The following ATXN10 variants were observed in gnomAD, a reference collection of about 807,000 sequenced individuals.
ATXN10 encodes ataxin-10.
Under a neutral mutation model 52.9 loss-of-function variants are expected in ATXN10, and 28 were observed. The observed-to-expected ratio is 0.53, with a 90% CI of 0.39 to 0.73. The LOEUF (loss-of-function observed/expected upper bound fraction) is 0.73, where lower values mean the gene tolerates loss of function less well. Among genes scored for constraint, ATXN10 ranks in the 30% least tolerant of loss-of-function variants. ATXN10 has a pLI of 0.00. For synonymous variants in ATXN10, 226 were observed against 221.5 expected, an observed-to-expected ratio of 1.02 and a Z score of -0.18; for missense variants, 565 against 577.0, an observed-to-expected ratio of 0.98 and a Z score of 0.21.
At chr22:45,811,635 T>A (rs1928283283) in intron 10 of ATXN10, 2 of 449,292 alleles carry the variant, frequency 4.5e-6, no homozygotes, top group African/African-American at 2.0e-5. Context: ...CTAGGTAATA[T>A]AGCCTAGAAT....
At chr22:45,675,265 T>G (rs912320611) in intron 1 of ATXN10, 2 of 152,214 alleles carry the variant, frequency 1.3e-5, no homozygotes, top group East Asian at 3.8e-4. Flanking sequence ...CATTACAATT[T>G]TAGCAGCCCC....
chr22:45,795,938 A>G lies in ATXN10; in HGVS notation c.1174-11021A>G, dbSNP rs764579221. Among the ~76,000 whole-genome samples the G allele has an allele frequency of 1.3e-5, 2 of 152,226 alleles. No homozygotes were observed. Among genetic ancestry groups the G allele is most frequent in the Non-Finnish European group, 1.5e-5 (1 of 68,040 alleles). The stretch of plus-strand genomic sequence containing the variant: ...TTTGTAAAGCATGTGTGTTTGAACA[A>G]TATGAAATTTGGGCACCTTGAAAAA... On this transcript the variant is annotated intron_variant, in intron 9 of 11. Transcript: ENST00000252934. The surrounding 1 kb of genome is among the most constrained non-coding windows in gnomAD (Gnocchi z 4.6).
At chr22:45,747,336 C>A (rs1425333785) in intron 9 of ATXN10, among the ~76,000 whole-genome samples, 1 of 152,016 alleles carries the variant, frequency 6.6e-6, no homozygotes, top group Non-Finnish European at 1.5e-5. Flanking sequence ...AGACTCCATC[C>A]CTACAAAATA....
chr22:45,801,725 G>T (rs136013), intron 9 of ATXN10, among the ~76,000 whole-genome samples: 1 of 152,290 alleles, frequency 6.6e-6, no homozygotes, highest in Admixed American at 6.5e-5. Context: ...CTGAAGGACA[G>T]CTAGTGGTTG....
chr22:45,710,533 G>A (rs1924205433), intron 5 of ATXN10, among the ~76,000 whole-genome samples: 1 of 152,094 alleles, frequency 6.6e-6, no homozygotes, highest in Non-Finnish European at 1.5e-5. Context: ...CTTGTTTATT[G>A]TTGGTTGCTA....
At chr22:45,791,483 G>A (rs1248413948) in intron 9 of ATXN10, among the ~76,000 whole-genome samples, 1 of 151,756 alleles carries the variant, frequency 6.6e-6, no homozygotes, top group African/African-American at 2.4e-5. Flanking sequence ...CTAGTTTTCT[G>A]ATAATCAAAA....
rs1922790220 is a variant in ATXN10, at chr22:45,678,483, GGAGTA to G, written c.116+6308_116+6312del. 1 of 152,160 alleles carries G rather than the reference GGAGTA, an allele frequency of 6.6e-6. No homozygotes were observed. The highest frequency in any genetic ancestry group is 2.4e-5 in the African/African-American group (1 of 41,444). 9.4% of individuals were successfully genotyped at this position (152,160 alleles called of 1,614,324 possible). On this transcript the variant is annotated intron_variant, in intron 1 of 11. Transcript: ENST00000252934. This position sits in a 1 kb window ranked among gnomAD's most constrained non-coding sequence, Gnocchi z 4.1. ...TGATTTTTAAAAAGTCACATTGTTT[GGAGTA>G]GAGGGGATGTGTTTAAAATGTGAAC... is the stretch of plus-strand genomic sequence containing the variant.
chr22:45,797,199 C>G (rs1374749243), intron 9 of ATXN10, among the ~76,000 whole-genome samples: 1 of 152,158 alleles, frequency 6.6e-6, no homozygotes, highest in African/African-American at 2.4e-5. Flanking sequence ...ATATGGAAAA[C>G]TGGAATACCA....
In ATXN10 at chr22:45,728,616, A is replaced by G. The variant is rs1286793717; in HGVS notation, c.729-809A>G. Among the ~76,000 whole-genome samples, 1 of 152,222 alleles carries G rather than the reference A, an allele frequency of 6.6e-6. No individual in the cohort carries two copies. The highest frequency in any genetic ancestry group is 1.5e-5 in the Non-Finnish European group (1 of 68,030). ...TAGATGTTCGTACCCTGTCTTCTATAGAAATTAGAATTATACGTATAATCC... is the reference window on the plus strand; with the variant it reads ...TAGATGTTCGTACCCTGTCTTCTATGGAAATTAGAATTATACGTATAATCC... On this transcript the variant is annotated intron_variant, in intron 6 of 11. Transcript: ENST00000252934. The surrounding 1 kb of genome is among the most constrained non-coding windows in gnomAD (Gnocchi z 4.3).
At chr22:45,810,298 T>G (rs1389276888) in intron 10 of ATXN10, among the ~76,000 whole-genome samples, 1 of 152,264 alleles carries the variant, frequency 6.6e-6, no homozygotes, top group Non-Finnish European at 1.5e-5. Context: ...TATGATGGTC[T>G]TAATTACTAT....
chr22:45,794,528 C>T (rs775775636), intron 9 of ATXN10, among the ~76,000 whole-genome samples: 2 of 151,172 alleles, frequency 1.3e-5, no homozygotes, highest in Non-Finnish European at 2.9e-5. Context: ...TACAAATAAC[C>T]AGCTTTTGGT....
At chr22:45,693,630 G>A (rs370999832) in intron 3 of ATXN10, among the ~76,000 whole-genome samples, 6 of 152,262 alleles carry the variant, frequency 3.9e-5, no homozygotes, top group African/African-American at 1.2e-4. Context: ...TAGGAATTTC[G>A]GAGGGGCACA....
chr22:45,797,587 A>G (rs542776435), intron 9 of ATXN10, among the ~76,000 whole-genome samples: 57 of 152,336 alleles, frequency 3.7e-4, no homozygotes, highest in Non-Finnish European at 7.1e-4. Flanking sequence ...ACATGAGAAA[A>G]CAAGACAGAT....
At chr22:45,764,776 A>G (rs1926526387) in intron 9 of ATXN10, among the ~76,000 whole-genome samples, 1 of 152,176 alleles carries the variant, frequency 6.6e-6, no homozygotes, top group Admixed American at 6.5e-5. Context: ...AGTTATTGGA[A>G]ATTCACAGGC....
In ATXN10 at chr22:45,684,426, A is replaced by G. The variant is rs1403212776; in HGVS notation, c.117-5286A>G. On this transcript the variant is annotated intron_variant, in intron 1 of 11. Transcript: ENST00000252934. This position sits in a 1 kb window ranked among gnomAD's most constrained non-coding sequence, Gnocchi z 4.1. ...GCCAGACCATGGCCAGATCTGGCCT[A>G]CTACCTGTTTTTTTTATGACCCATG... is the stretch of plus-strand genomic sequence containing the variant. 1.3e-5 allele frequency among the ~76,000 whole-genome samples: 2 copies of G among 152,110 alleles called. No individual in the cohort carries two copies. Among genetic ancestry groups the G allele is most frequent in the East Asian group, 1.9e-4 (1 of 5,196 alleles).
rs368926676 is a variant in ATXN10 at position 45,812,183 on chromosome 22, G to A, written c.1237+5161G>A. 3.9e-5 allele frequency among the ~76,000 whole-genome samples: 6 copies of A among 152,102 alleles called. No individual in the cohort carries two copies. In the South Asian group the frequency reaches 8.3e-4, roughly 21 times the overall value. On this transcript the variant is annotated intron_variant, in intron 10 of 11. Transcript: ENST00000252934. ...AAGTCCCAGCTGAGATAGGCCACCC[G>A]CTCCGATCCCTGCCAAAACTTGTTC...
chr22:45,684,053 G>A lies in ATXN10; in HGVS notation c.117-5659G>A, dbSNP rs1812207153. On this transcript the variant is annotated intron_variant, in intron 1 of 11. Transcript: ENST00000252934. The surrounding 1 kb of genome is among the most constrained non-coding windows in gnomAD (Gnocchi z 4.1). ...CATAGCCTTGAACTCCTGGGTTCAA[G>A]CAGTCCTTCTGCATCAGGCTCCCAA... 6.6e-6 allele frequency among the ~76,000 whole-genome samples: 1 copy of A among 152,066 alleles called. No homozygotes were observed. Among genetic ancestry groups the A allele is most frequent in the African/African-American group, 2.4e-5 (1 of 41,396 alleles).
Position 45,842,878 on chromosome 22 carries a change from A to C in ATXN10, c.1238-113A>C, listed in dbSNP as rs999277262. On this transcript the variant is annotated intron_variant, in intron 10 of 11. Coordinates refer to ENST00000252934, the MANE Select transcript of ATXN10 (RefSeq NM_013236.4). The surrounding 1 kb of genome is among the most constrained non-coding windows in gnomAD (Gnocchi z 4.8). ...AATGCATCCTCAAGAAAACTTGTGGATTGATACTGGATGTTCCGTGTTTCT... is the reference window on the plus strand; with the variant it reads ...AATGCATCCTCAAGAAAACTTGTGGCTTGATACTGGATGTTCCGTGTTTCT... 1.7e-6 allele frequency: 2 copies of C among 1,203,174 alleles called. No individual in the cohort carries two copies. Among genetic ancestry groups the C allele is most frequent in the Non-Finnish European group, 2.4e-6 (2 of 818,080 alleles). 74.5% of individuals were successfully genotyped at this position (1,203,174 alleles called of 1,614,324 possible). A position where few individuals can be genotyped will look rare whatever the true frequency, so the allele number is the denominator to read the frequency against.
In ATXN10 at chr22:45,738,826, G is replaced by A. The variant is rs540746311; in HGVS notation, c.990G>A (p.Leu330=). The A allele has an allele frequency of 6.2e-7, 1 of 1,613,824 alleles. No individual in the cohort carries two copies. The highest frequency in any genetic ancestry group is 1.3e-5 in the African/African-American group (1 of 75,036). ...LGYLQVFPGL[L]ERVIDLLRVI... ...ATCTGCAGGTTTTCCCTGGCTTGCT[G>A]GAAAGAGTGATTGGTGAGTGAAATA... The change falls in exon 8 of 12, where the codon CTG becomes CTA. Residue 330 remains leucine, a synonymous_variant. Transcript: ENST00000252934.
Sources: gnomAD v4.1 joint callset for allele counts (sites outside exome capture counted in the v4.1 genomes callset) on GRCh38, gnomAD v4.1.1 for gene constraint, Gnocchi (gnomAD v3.1) non-coding constraint, MANE v1.5 for transcripts, NCBI Gene and HGNC (gene_info 2026-07-23, HGNC 2026-07-21) for gene names.